The following MTMR3 variants were observed in gnomAD, a reference collection of about 807,000 sequenced individuals.
MTMR3 encodes the protein phosphatidylinositol-3,5-bisphosphate 3-phosphatase MTMR3.
MTMR3 carries 32 observed loss-of-function variants against 132.4 expected under a neutral mutation model. That is an observed-to-expected ratio of 0.24 (90% CI 0.18 to 0.32). The LOEUF (loss-of-function observed/expected upper bound fraction) is 0.32, where lower values mean the gene tolerates loss of function less well. Among genes scored for constraint, MTMR3 ranks in the 10% least tolerant of loss-of-function variants. MTMR3 has a pLI of 1.00. For missense variants in MTMR3, 1,216 were observed against 1,489.6 expected (o/e 0.82, Z 3.02); for synonymous variants, 556 against 550.3 (o/e 1.01, Z -0.14).
At chr22:29,888,575 GA>G (rs1248336325) in intron 1 of MTMR3, among the ~76,000 whole-genome samples, 3 of 152,126 alleles carry the variant, frequency 2.0e-5, no homozygotes, top group African/African-American at 7.2e-5. Flanking sequence ...CAAAGCACAT[GA>G]ACTTATGCTG....
At chr22:29,908,311 G>A (rs891448907) in intron 1 of MTMR3, among the ~76,000 whole-genome samples, 6 of 152,180 alleles carry the variant, frequency 3.9e-5, no homozygotes, top group East Asian at 1.9e-4. Flanking sequence ...CACAAGTATC[G>A]TGTTCATGTC....
chr22:29,884,625 C>A (rs958993986), intron 1 of MTMR3, among the ~76,000 whole-genome samples: 3 of 133,746 alleles, frequency 2.2e-5, no homozygotes, highest in Middle Eastern at 4.6e-3. Context: ...TGCAGTAGTG[C>A]GATCTCTGCT....
intron 1 of MTMR3, among the ~76,000 whole-genome samples, chr22:29,927,945 T>TTTG (rs1478756736): frequency 4.1e-5 from 6 of 146,580 alleles, no homozygotes; most frequent in Non-Finnish European, 3.0e-5. Context: ...CTTTGTTTTT[T>TTTG]TTTTTTTTTT....
Position 29,982,937 on chromosome 22 carries a change from T to TGTGTGTGTG in MTMR3, c.210+3885_210+3886insGTGTGTGTG, listed in dbSNP as rs2066780516. 21 of 146,388 alleles carry TGTGTGTGTG rather than the reference T, an allele frequency of 1.4e-4. 1 individual carries two copies. The highest frequency in any genetic ancestry group is 3.6e-4 in the African/African-American group (14 of 39,090). 9.1% of individuals were successfully genotyped at this position (146,388 alleles called of 1,614,324 possible). A position where few individuals can be genotyped will look rare whatever the true frequency, so the allele number is the denominator to read the frequency against. On this transcript the variant is annotated intron_variant, in intron 5 of 19. Coordinates refer to ENST00000401950, the MANE Select transcript of MTMR3 (RefSeq NM_021090.4). ...AATTCATGAACGTTTAAAAGTTTGT[T>TGTGTGTGTG]TGTGTGTGTGTGTGTGTGTGTGTGT...
At chr22:29,981,203 G>C (rs2066736402) in intron 5 of MTMR3, 1 of 152,166 alleles carries the variant, frequency 6.6e-6, no homozygotes, top group South Asian at 2.1e-4. Flanking sequence ...TCAAGATCCA[G>C]CATGTCTCCT....
At chr22:30,005,676 C>T (rs1043282897) in intron 9 of MTMR3, 2 of 152,184 alleles carry the variant, frequency 1.3e-5, no homozygotes, top group African/African-American at 4.8e-5. Context: ...GCTTTAAAAA[C>T]TACAAGCAAA....
At chr22:29,914,074 TCTC>T (rs1405051203) in intron 1 of MTMR3, among the ~76,000 whole-genome samples, 1 of 152,152 alleles carries the variant, frequency 6.6e-6, no homozygotes, top group Non-Finnish European at 1.5e-5. Flanking sequence ...TACGAATAAA[TCTC>T]CTCTGAATAT....
chr22:30,000,475 A>G lies in MTMR3; in HGVS notation c.557+1618A>G, dbSNP rs2067148007. ...GACTTTGTCTTAAAAAATAAAAAAA[A>G]TAAAAAAAAAAAATATATATATCCT... On this transcript the variant is annotated intron_variant, in intron 8 of 19. Transcript: ENST00000401950. 2.1e-5 allele frequency: 3 copies of G among 140,294 alleles called. No individual in the cohort carries two copies. The South Asian group carries it at 6.9e-4, about 32-fold the overall frequency. The allele number at this position is 140,294 out of a possible 1,614,324, so 8.7% of individuals were successfully genotyped here.
intron 1 of MTMR3, among the ~76,000 whole-genome samples, chr22:29,946,936 C>G (rs2065964731): frequency 6.6e-6 from 1 of 152,098 alleles, no homozygotes; most frequent in Non-Finnish European, 1.5e-5. Flanking sequence ...CATGGAAATA[C>G]TGGTAATAGA....
intron 1 of MTMR3, among the ~76,000 whole-genome samples, chr22:29,928,861 T>C (rs1019589453): frequency 1.3e-5 from 2 of 152,154 alleles, no homozygotes; most frequent in African/African-American, 2.4e-5. Flanking sequence ...CCGACTTTGT[T>C]GAAATATATC....
intron 3 of MTMR3, among the ~76,000 whole-genome samples, chr22:29,972,121 C>T (rs2066548202): frequency 6.6e-6 from 1 of 152,192 alleles, no homozygotes; most frequent in South Asian, 2.1e-4. Context: ...TATGATTTAT[C>T]TTATACCTAA....
intron 1 of MTMR3, among the ~76,000 whole-genome samples, chr22:29,923,027 A>T (rs2065447893): frequency 6.8e-6 from 1 of 147,272 alleles, no homozygotes; most frequent in Non-Finnish European, 1.5e-5. Flanking sequence ...GGTGCACACT[A>T]CCACATCCAG....
chr22:29,960,479 AAAG>A (rs2066289006), intron 2 of MTMR3, among the ~76,000 whole-genome samples: 1 of 152,246 alleles, frequency 6.6e-6, no homozygotes, highest in African/African-American at 2.4e-5. Context: ...CGCGAACAAA[AAAG>A]GAGACAGTGT....
intron 2 of MTMR3, among the ~76,000 whole-genome samples, chr22:29,961,525 A>G (rs1265867420): frequency 6.6e-6 from 1 of 152,184 alleles, no homozygotes; most frequent in Non-Finnish European, 1.5e-5. Context: ...CATGTGCCAC[A>G]TAATGATGTT....
chr22:29,923,371 T>A (rs978199131), intron 1 of MTMR3, among the ~76,000 whole-genome samples: 2 of 151,670 alleles, frequency 1.3e-5, no homozygotes, highest in African/African-American at 4.8e-5. Flanking sequence ...TGTGCCCAGC[T>A]TGTATTTTTT....
intron 10 of MTMR3, 29 bp downstream of exon 10, chr22:30,007,348 G>T (rs1340295009): frequency 1.9e-6 from 3 of 1,601,022 alleles, no homozygotes; most frequent in East Asian, 2.2e-5. Context: ...CCATGGCAAT[G>T]ATTTTTATAG....
chr22:30,019,540 G>T lies in MTMR3; in HGVS notation c.1881G>T (p.Leu627=). Residue 627 remains leucine (L), a synonymous_variant, in exon 17 of 20, where the codon CTG becomes CTT. Transcript: ENST00000401950. ...CAGCCTGTGACAACACAGTGCCTCT[G>T]GCCAGCCGGCGCTGCAGCGACCCCA... ...LTTACDNTVP[L]ASRRCSDPSL... 1.2e-6 allele frequency: 2 copies of T among 1,612,400 alleles called. No individual in the cohort carries two copies. Among genetic ancestry groups the T allele is most frequent in the South Asian group, 2.2e-5 (2 of 91,086 alleles).
At chr22:29,944,728 T>C (rs2065921219) in intron 1 of MTMR3, among the ~76,000 whole-genome samples, 3 of 152,228 alleles carry the variant, frequency 2.0e-5, no homozygotes. Flanking sequence ...TGACTTTTTA[T>C]TGTGATAAAA....
chr22:30,008,766 C>A, intron 11 of MTMR3: 1 of 381,198 alleles, frequency 2.6e-6, no homozygotes, highest in Non-Finnish European at 4.7e-6. Flanking sequence ...AAAATAATAG[C>A]TTTTATTTTA....
Sources: gnomAD v4.1 joint callset for allele counts (sites outside exome capture counted in the v4.1 genomes callset) on GRCh38, gnomAD v4.1.1 for gene constraint, MANE v1.5 for transcripts, NCBI Gene and HGNC (gene_info 2026-07-23, HGNC 2026-07-21) for gene names.